SLC6A6: variants seen among roughly 807,000 people sequenced by gnomAD.
The protein encoded by SLC6A6 is solute carrier family 6 member 6.
A neutral mutation model predicts 68.8 loss-of-function variants in SLC6A6; 16 were observed. That is an observed-to-expected ratio of 0.23 (90% CI 0.16 to 0.35). The LOEUF is 0.35. Among genes scored for constraint, SLC6A6 ranks in the 10% least tolerant of loss-of-function variants. The pLI is 1.00. For synonymous variants in SLC6A6, 312 were observed against 315.4 expected (o/e 0.99, Z 0.12); for missense variants, 474 against 802.8 (o/e 0.59, Z 4.95).
chr3:14,488,870 A>T lies in SLC6A6; in HGVS notation c.*3863A>T, dbSNP rs1701251504. ...TGGCGTGTTCTCCGAGGGATGGAGC[A>T]TCCTGTTATATATTTGACTTCAAAT... is the stretch of plus-strand genomic sequence containing the variant. On this transcript the variant is annotated 3_prime_UTR_variant, in exon 15 of 15. Coordinates refer to ENST00000622186, the MANE Select transcript of SLC6A6 (RefSeq NM_003043.6). The T allele has an allele frequency of 6.6e-6, 1 of 152,016 alleles. No individual in the cohort carries two copies. The highest frequency in any genetic ancestry group is 1.5e-5 in the Non-Finnish European group (1 of 67,928). The allele number at this position is 152,016 out of a possible 1,614,324, so 9.4% of individuals were successfully genotyped here. A position where few individuals can be genotyped will look rare whatever the true frequency, so the allele number is the denominator to read the frequency against.
intron 3 of SLC6A6, 119 bp downstream of exon 3, chr3:14,443,982 AC>A: frequency 1.4e-6 from 1 of 689,898 alleles, no homozygotes; most frequent in Non-Finnish European, 2.5e-6. Context: ...CCCCCCCTTG[AC>A]CTCCATGAGG....
chr3:14,447,851 T>C (rs1421688921), intron 5 of SLC6A6, 35 bp downstream of exon 5: 6 of 1,612,232 alleles, frequency 3.7e-6, no homozygotes, highest in South Asian at 1.1e-5. Context: ...GAGGAGGACA[T>C]GGGTGGGGCA....
At chr3:14,410,259 G>A (rs765425607) in intron 1 of SLC6A6, among the ~76,000 whole-genome samples, 56 of 151,298 alleles carry the variant, frequency 3.7e-4, no homozygotes, top group Non-Finnish European at 6.2e-4. Context: ...ATCATTCATT[G>A]CTTGTGTGAA....
intron 13 of SLC6A6, among the ~76,000 whole-genome samples, chr3:14,479,754 T>C (rs1245159531): frequency 6.6e-6 from 1 of 152,188 alleles, no homozygotes; most frequent in Non-Finnish European, 1.5e-5. Context: ...ACGAGGATGC[T>C]CTCGCCCACC....
chr3:14,436,787 C>T (rs1699866352), intron 2 of SLC6A6, among the ~76,000 whole-genome samples: 3 of 152,138 alleles, frequency 2.0e-5, no homozygotes, highest in African/African-American at 7.2e-5. Context: ...TGTGCTGTTT[C>T]ATTAGCTGGC....
chr3:14,470,146 A>G (rs1559311048), intron 9 of SLC6A6, among the ~76,000 whole-genome samples: 1 of 152,220 alleles, frequency 6.6e-6, no homozygotes, highest in Non-Finnish European at 1.5e-5. Context: ...AGATACAGAT[A>G]GATACATACA....
chr3:14,453,881 G>A (rs1700307601), intron 5 of SLC6A6, among the ~76,000 whole-genome samples: 1 of 152,176 alleles, frequency 6.6e-6, no homozygotes. Context: ...AAGGCCTTAA[G>A]GCAGGATCGC....
At chr3:14,457,277 C>T (rs1700391266) in intron 5 of SLC6A6, among the ~76,000 whole-genome samples, 1 of 152,142 alleles carries the variant, frequency 6.6e-6, no homozygotes, top group Non-Finnish European at 1.5e-5. Context: ...CCCTCAAAAC[C>T]CTGGCAGGGC....
At chr3:14,417,908 AT>A (rs139020354) in intron 2 of SLC6A6, among the ~76,000 whole-genome samples, 4,183 of 152,258 alleles carry the variant, frequency 0.027, 94 homozygotes, top group Middle Eastern at 0.058. Context: ...CAGGATCGTC[AT>A]TATGTTTTTA....
chr3:14,402,586 C>T (rs1699007057), upstream of SLC6A6: 2 of 397,650 alleles, frequency 5.0e-6, no homozygotes, highest in Non-Finnish European at 8.9e-6. This position sits in a 1 kb window ranked among gnomAD's most constrained non-coding sequence, Gnocchi z 4.8. Context: ...ATTTTTCCAC[C>T]CAGCAGGATG....
At chr3:14,430,496 C>T (rs4684217) in intron 2 of SLC6A6, among the ~76,000 whole-genome samples, 77,613 of 151,598 alleles carry the variant, frequency 0.51, 19,895 homozygotes, top group Non-Finnish European at 0.54. Flanking sequence ...GGAGATGGCC[C>T]CTGCACGTAG....
At chr3:14,418,063 G>A (rs997753780) in intron 2 of SLC6A6, among the ~76,000 whole-genome samples, 1 of 152,146 alleles carries the variant, frequency 6.6e-6, no homozygotes. Flanking sequence ...AAACACACAC[G>A]TCAAACTCAA....
At chr3:14,453,166 C>G (rs1172546684) in intron 5 of SLC6A6, among the ~76,000 whole-genome samples, 2 of 152,174 alleles carry the variant, frequency 1.3e-5, no homozygotes, top group African/African-American at 4.8e-5. Context: ...GGCGTGCAGT[C>G]AAAAGGAAAC....
At chr3:14,438,878 A>G (rs918107336) in intron 2 of SLC6A6, among the ~76,000 whole-genome samples, 7 of 152,232 alleles carry the variant, frequency 4.6e-5, no homozygotes, top group Non-Finnish European at 1.0e-4. Flanking sequence ...TGAGAAGTGC[A>G]GGGTCTGCAG....
chr3:14,466,767 G>C (rs1700629148), intron 7 of SLC6A6, 117 bp downstream of exon 7: 1 of 949,940 alleles, frequency 1.1e-6, no homozygotes, highest in Non-Finnish European at 1.5e-6. Flanking sequence ...CAGTGCACAG[G>C]TCTAGCTGGG....
At chr3:14,442,363 G>A (rs1574935416) in intron 2 of SLC6A6, among the ~76,000 whole-genome samples, 1 of 152,356 alleles carries the variant, frequency 6.6e-6, no homozygotes, top group East Asian at 1.9e-4. Context: ...TGGGGAAACT[G>A]ATGCTCAGAG....
In SLC6A6 at chr3:14,481,628, G is replaced by A. The variant is rs768688056; in HGVS notation, c.1552-43G>A. 2.3e-5 allele frequency: 15 copies of A among 645,532 alleles called. No individual in the cohort carries two copies. Among genetic ancestry groups the A allele is most frequent in the East Asian group, 1.4e-4 (4 of 27,686 alleles). 40.0% of individuals were successfully genotyped at this position (645,532 alleles called of 1,614,324 possible). On this transcript the variant is annotated intron_variant, in intron 13 of 14. Transcript: ENST00000622186. This position sits in a 1 kb window ranked among gnomAD's most constrained non-coding sequence, Gnocchi z 4.7. The stretch of plus-strand genomic sequence containing the variant: ...TAGTCCCAGAAGCCCCCCACCCCCC[G>A]ATGCCCAGGACCCCTCTCCTGACTG...
chr3:14,434,059 A>G (rs1161261001), intron 2 of SLC6A6, among the ~76,000 whole-genome samples: 1 of 152,150 alleles, frequency 6.6e-6, no homozygotes, highest in Admixed American at 6.5e-5. Flanking sequence ...CACTATGTGC[A>G]CCATGGCCCT....
intron 9 of SLC6A6, among the ~76,000 whole-genome samples, chr3:14,469,630 G>A (rs540470639): frequency 9.9e-4 from 150 of 152,274 alleles, no homozygotes; most frequent in African/African-American, 3.4e-3. Context: ...CGCTGGACAG[G>A]CCTTCTGACA....
Sources: allele counts gnomAD v4.1 joint callset (sites outside exome capture counted in the v4.1 genomes callset), GRCh38; gene constraint gnomAD v4.1.1; non-coding constraint Gnocchi (gnomAD v3.1); transcripts MANE v1.5; gene names NCBI Gene and HGNC (gene_info 2026-07-23, HGNC 2026-07-21).